The following CCPG1 variants were observed in gnomAD, a reference collection of about 807,000 sequenced individuals.
The protein encoded by CCPG1 is cell cycle progression 1.
CCPG1 carries 46 observed loss-of-function variants against 81.3 expected under a neutral mutation model. The ratio of observed to expected loss-of-function variants is 0.57; its 90% CI spans 0.45 to 0.72. CCPG1 has a LOEUF of 0.72. Among genes scored for constraint, CCPG1 ranks in the 30% least tolerant of loss-of-function variants. CCPG1 has a pLI of 0.00. For missense variants in CCPG1, 902 were observed against 937.6 expected (o/e 0.96, Z 0.50); for synonymous variants, 330 against 305.2 (o/e 1.08, Z -0.85).
In CCPG1 at chr15:55,360,422, A is replaced by G. The variant is rs1267381050; in HGVS notation, c.1351T>C (p.Leu451=). The change falls in exon 8 of 9, where the codon TTG becomes CTG. Residue 451 remains leucine, a synonymous_variant. Transcript: ENST00000442196. ...EQQRSDLWER[L]YVEAKDQNGK... The stretch of plus-strand genomic sequence containing the variant: ...TTTTGATCTTTTGCCTCAACATACA[A>G]TCTTTCCCACAAATCAGAACGCTGC... 1 of 1,613,580 alleles carries G rather than the reference A, an allele frequency of 6.2e-7. No individual in the cohort carries two copies. Among genetic ancestry groups the G allele is most frequent in the African/African-American group, 1.3e-5 (1 of 74,836 alleles).
At chr15:55,400,077 G>A (rs956624263) in intron 1 of CCPG1, among the ~76,000 whole-genome samples, 1 of 151,478 alleles carries the variant, frequency 6.6e-6, no homozygotes, top group Non-Finnish European at 1.5e-5. Flanking sequence ...CATAGTGGCA[G>A]GAGCCTTTAA....
At chr15:55,365,371 A>AT in intron 6 of CCPG1, 62 bp from the exon 7 acceptor site, 1 of 941,738 alleles carries the variant, frequency 1.1e-6, no homozygotes, top group Non-Finnish European at 1.6e-6. Context: ...TGTTTTATGT[A>AT]TTTTTTAATA....
intron 1 of CCPG1, among the ~76,000 whole-genome samples, chr15:55,397,084 G>A (rs1375841241): frequency 1.3e-5 from 2 of 152,130 alleles, no homozygotes; most frequent in African/African-American, 2.4e-5. Context: ...CGTGGTAGCG[G>A]GCGCCTGTAG....
intron 7 of CCPG1, among the ~76,000 whole-genome samples, 180 bp from the exon 8 acceptor site, chr15:55,361,124 G>A (rs189128141): frequency 6.7e-6 from 1 of 150,078 alleles, no homozygotes; most frequent in African/African-American, 2.5e-5. Flanking sequence ...GCAAGAAAAC[G>A]CAGAGCAGAG....
At position 55,378,307 on chromosome 15, in the gene CCPG1, G is replaced by C. The variant is rs1275426301; in HGVS notation, c.245C>G (p.Thr82Arg). The C allele has an allele frequency of 6.9e-6, 11 of 1,604,170 alleles. No individual in the cohort carries two copies. Among genetic ancestry groups the C allele is most frequent in the Admixed American group, 6.7e-5 (4 of 59,756 alleles). ...TGTAAAATACAAGTTTACCTCAATTGTTGAGCTGGTTTCCTCCAAAGCTGG... is the reference window on the plus strand; with the variant it reads ...TGTAAAATACAAGTTTACCTCAATTCTTGAGCTGGTTTCCTCCAAAGCTGG... ...AYPALEETSS[T>R]IEAEEQKIPE... The change falls in exon 4 of 9, where the codon ACA (threonine) becomes AGA (arginine). Residue 82 changes from threonine to arginine, a missense_variant. Coordinates refer to ENST00000442196, the MANE Select transcript of CCPG1 (RefSeq NM_001204450.2).
At chr15:55,386,412 G>A (rs950057617) in intron 2 of CCPG1, among the ~76,000 whole-genome samples, 1 of 152,112 alleles carries the variant, frequency 6.6e-6, no homozygotes. Context: ...TTTGATGTCA[G>A]ACTGTCTTTT....
At chr15:55,371,107 C>T (rs764585623) in intron 6 of CCPG1, among the ~76,000 whole-genome samples, 42 of 152,120 alleles carry the variant, frequency 2.8e-4, no homozygotes, top group African/African-American at 8.9e-4. Context: ...AGTGGGACTC[C>T]GTCTCCAAAA....
rs199909580 is a variant in CCPG1, at chr15:55,377,130, G to A, written c.273C>T (p.Pro91=). ...STIEAEEQKI[P]EDSIYIGTAS... ...CAGTTCCAATATAGATACTGTCTTC[G>A]GGTATCTTTTGTTCCTCTGCCTGAA... is the stretch of plus-strand genomic sequence containing the variant. Residue 91 remains proline (P), a synonymous_variant, in exon 5 of 9, where the codon CCC becomes CCT. Coordinates refer to ENST00000442196, the MANE Select transcript of CCPG1 (RefSeq NM_001204450.2). 1.7e-4 allele frequency: 275 copies of A among 1,612,032 alleles called. No homozygotes were observed. Among genetic ancestry groups the A allele is most frequent in the Non-Finnish European group, 2.2e-4 (256 of 1,178,374 alleles).
intron 8 of CCPG1, 107 bp downstream of exon 8, chr15:55,359,432 A>C (rs2056145779): frequency 1.4e-6 from 2 of 1,470,512 alleles, no homozygotes; most frequent in Non-Finnish European, 1.8e-6. Context: ...ATAAAGCACA[A>C]CTCTTAGAAA....
rs565194380 is a variant in CCPG1, at chr15:55,355,393, G to C, written c.*827C>G. 148 of 1,609,252 alleles carry C rather than the reference G, an allele frequency of 9.2e-5. 1 individual carries two copies. In the South Asian group the frequency reaches 1.6e-3, roughly 17 times the overall value. ...GAAGTCACATATATGTCTATGAACGGAAGTTAAAAGGGAAATTCAACATGA... is the reference window on the plus strand; with the variant it reads ...GAAGTCACATATATGTCTATGAACGCAAGTTAAAAGGGAAATTCAACATGA... On this transcript the variant is annotated 3_prime_UTR_variant, in exon 9 of 9. Coordinates refer to ENST00000442196, the MANE Select transcript of CCPG1 (RefSeq NM_001204450.2).
chr15:55,376,742 T>C lies in CCPG1; in HGVS notation c.454+207A>G, dbSNP rs545134724. On this transcript the variant is annotated intron_variant, in intron 5 of 8. Transcript: ENST00000442196. The stretch of plus-strand genomic sequence containing the variant: ...TCTTCTATTTAATGGCAAAAGATGG[T>C]TACTGTTACAGTAAAAGATTGCTAT... 6.5e-4 allele frequency among the ~76,000 whole-genome samples: 99 copies of C among 152,312 alleles called. 1 individual carries two copies. Among genetic ancestry groups the C allele is most frequent in the African/African-American group, 2.4e-3 (99 of 41,556 alleles).
chr15:55,398,194 T>G (rs1310564847), intron 1 of CCPG1: 1 of 152,152 alleles, frequency 6.6e-6, no homozygotes, highest in Non-Finnish European at 1.5e-5. Flanking sequence ...TTTTACCTCA[T>G]AAAATATAAC....
In CCPG1 at chr15:55,355,292, A is replaced by G; in HGVS notation, c.*928T>C. The G allele has an allele frequency of 6.2e-7, 1 of 1,605,302 alleles. No homozygotes were observed. The highest frequency in any genetic ancestry group is 8.5e-7 in the Non-Finnish European group (1 of 1,174,952). On this transcript the variant is annotated 3_prime_UTR_variant, in exon 9 of 9. Transcript: ENST00000442196. The stretch of plus-strand genomic sequence containing the variant: ...AACATTTATTTGCTTCTAGGAAATA[A>G]GCGCTTTCCTAATTTCAAGCAATTA...
chr15:55,380,850 T>TAAAAATACAAAAA (rs147431965), intron 3 of CCPG1, among the ~76,000 whole-genome samples: 2 of 150,990 alleles, frequency 1.3e-5, no homozygotes, highest in African/African-American at 2.4e-5. Context: ...CCGTCGCTAT[T>TAAAAATACAAAAA]AAAATGGCCG....
chr15:55,362,301 A>G (rs1044450688), intron 7 of CCPG1, among the ~76,000 whole-genome samples: 5 of 151,454 alleles, frequency 3.3e-5, no homozygotes, highest in African/African-American at 1.2e-4. Flanking sequence ...GAGTCAGAGC[A>G]GTCAATTACC....
intron 3 of CCPG1, among the ~76,000 whole-genome samples, chr15:55,384,358 T>C (rs2056759439): frequency 6.6e-6 from 1 of 152,100 alleles, no homozygotes; most frequent in Non-Finnish European, 1.5e-5. Context: ...AATGAAAAAG[T>C]TTGAAATATG....
rs1327424014 is a variant in CCPG1, at chr15:55,391,948, C to T, written c.-9-2515G>A. ...TAACCCCAACACGGAGAGGCCAAGACGGAAGGACCGCTCAAGTCCAAGAGT... is the reference window on the plus strand; with the variant it reads ...TAACCCCAACACGGAGAGGCCAAGATGGAAGGACCGCTCAAGTCCAAGAGT... On this transcript the variant is annotated intron_variant, in intron 1 of 8. Transcript: ENST00000442196. 7.0e-5 allele frequency among the ~76,000 whole-genome samples: 9 copies of T among 129,116 alleles called. No homozygotes were observed. The East Asian group carries it at 1.0e-3, about 15-fold the overall frequency. 84.7% of individuals were successfully genotyped at this position (129,116 alleles called of 152,430 possible).
chr15:55,364,541 A>C (rs187351967), intron 7 of CCPG1, among the ~76,000 whole-genome samples: 3 of 151,038 alleles, frequency 2.0e-5, no homozygotes, highest in East Asian at 4.0e-4. Context: ...AATCCTTAGA[A>C]TCAATTAATT....
intron 8 of CCPG1, chr15:55,356,839 G>A (rs533765003): frequency 1.8e-4 from 181 of 988,320 alleles, no homozygotes; most frequent in Non-Finnish European, 2.0e-4. Flanking sequence ...CACCTACACC[G>A]CTTTCCTTAA....
Sources: allele counts gnomAD v4.1 joint callset (sites outside exome capture counted in the v4.1 genomes callset), GRCh38; gene constraint gnomAD v4.1.1; transcripts MANE v1.5; gene names NCBI Gene and HGNC (gene_info 2026-07-23, HGNC 2026-07-21).